Variants in VSTM4 observed in about 807,000 individuals in gnomAD.
VSTM4 encodes V-set and transmembrane domain containing 4, also known as V-set and transmembrane domain-containing protein 4.
A neutral mutation model predicts 36.4 loss-of-function variants in VSTM4; 20 were observed. That is an observed-to-expected ratio of 0.55 (90% CI 0.39 to 0.80). The LOEUF is 0.80. Ranked by LOEUF, VSTM4 falls within the 30% of genes least tolerant of loss-of-function variation. The pLI, the probability that VSTM4 is intolerant of heterozygous loss-of-function variation, is 0.00. For synonymous variants in VSTM4, 182 were observed against 173.9 expected, an observed-to-expected ratio of 1.05 and a Z score of -0.37; for missense variants, 392 against 404.5, an observed-to-expected ratio of 0.97 and a Z score of 0.26.
At chr10:49,023,451 G>C (rs1160384504) in intron 7 of VSTM4, among the ~76,000 whole-genome samples, 1 of 152,228 alleles carries the variant, frequency 6.6e-6, no homozygotes, top group Non-Finnish European at 1.5e-5. Context: ...AGGTGCATTT[G>C]AGGAGAAGCT....
rs775685261 is a variant in VSTM4 at position 49,082,689 on chromosome 10, A to AT, written c.526+3265_526+3266insA. Among the ~76,000 whole-genome samples, 17 of 152,182 alleles carry AT rather than the reference A, an allele frequency of 1.1e-4. No individual in the cohort carries two copies. In the South Asian group the frequency reaches 3.3e-3, roughly 30 times the overall value. On this transcript the variant is annotated intron_variant, in intron 3 of 7. Coordinates refer to ENST00000332853, the MANE Select transcript of VSTM4 (RefSeq NM_001031746.5). ...AAACTCCATCAAAAACAAAAGGAAA[A>AT]GAAAAAAAAACACATATAGCTGCAC... is the stretch of plus-strand genomic sequence containing the variant.
At chr10:49,077,116 A>G (rs1351399246) in intron 4 of VSTM4, 103 bp downstream of exon 4, 3 of 1,166,508 alleles carry the variant, frequency 2.6e-6, no homozygotes, top group Non-Finnish European at 3.7e-6. Flanking sequence ...TCCCTGACTC[A>G]CAATGCACTT....
At chr10:49,108,917 C>T (rs945352560) in intron 1 of VSTM4, among the ~76,000 whole-genome samples, 3 of 152,116 alleles carry the variant, frequency 2.0e-5, no homozygotes, top group African/African-American at 2.4e-5. Context: ...CCAGGAGCCA[C>T]GATTCATGGT....
At chr10:49,088,879 G>A (rs1462312855) in intron 2 of VSTM4, among the ~76,000 whole-genome samples, 4 of 152,210 alleles carry the variant, frequency 2.6e-5, no homozygotes, top group Non-Finnish European at 2.9e-5. Context: ...TACCCATCAT[G>A]GTGTGGACCC....
At chr10:49,088,657 C>T (rs939083862) in intron 2 of VSTM4, among the ~76,000 whole-genome samples, 4 of 152,246 alleles carry the variant, frequency 2.6e-5, no homozygotes, top group African/African-American at 9.6e-5. Context: ...CTGGGCCCCA[C>T]AAGGCCTGGC....
intron 1 of VSTM4, among the ~76,000 whole-genome samples, chr10:49,114,205 G>A (rs1326191807): frequency 6.6e-6 from 1 of 152,120 alleles, no homozygotes; most frequent in African/African-American, 2.4e-5. Flanking sequence ...AGGTTCACTG[G>A]GAACCTGGCT....
intron 4 of VSTM4, among the ~76,000 whole-genome samples, chr10:49,069,535 A>G (rs1844035696): frequency 6.6e-6 from 1 of 152,144 alleles, no homozygotes; most frequent in Non-Finnish European, 1.5e-5. Flanking sequence ...TCAGGGCTCA[A>G]CCCACAGCCC....
chr10:49,047,123 A>G (rs1308168866), intron 6 of VSTM4, 79 bp from the exon 7 acceptor site: 1 of 1,412,160 alleles, frequency 7.1e-7, no homozygotes, highest in East Asian at 2.3e-5. Flanking sequence ...CATCAGGGAC[A>G]TATTCTGAGA....
intron 1 of VSTM4, among the ~76,000 whole-genome samples, chr10:49,114,928 A>G (rs1024479083): frequency 2.0e-5 from 3 of 152,082 alleles, no homozygotes; most frequent in Non-Finnish European, 4.4e-5. Context: ...AGGCCTGGTC[A>G]CCTCAAAAGG....
chr10:49,018,888 C>T lies in VSTM4; in HGVS notation c.*762G>A, dbSNP rs542420826. ...CTCCAGTGTGTCTTCTGATGGCCAA[C>T]ACCTGTGCTCCTTTGGAAAAGGGTG... On this transcript the variant is annotated 3_prime_UTR_variant, in exon 8 of 8. Transcript: ENST00000332853. 2.6e-5 allele frequency: 4 copies of T among 152,284 alleles called. No homozygotes were observed. The highest frequency in any genetic ancestry group is 4.8e-5 in the African/African-American group (2 of 41,472). The allele number at this position is 152,284 out of a possible 1,614,324, so 9.4% of individuals were successfully genotyped here. A position where few individuals can be genotyped will look rare whatever the true frequency, so the allele number is the denominator to read the frequency against.
chr10:49,021,444 T>TA (rs942597758), intron 7 of VSTM4, among the ~76,000 whole-genome samples: 75 of 152,144 alleles, frequency 4.9e-4, no homozygotes, highest in African/African-American at 1.8e-3. Context: ...AAATAAAATT[T>TA]AAAAAAACTG....
intron 4 of VSTM4, among the ~76,000 whole-genome samples, chr10:49,065,652 A>G (rs1843960243): frequency 6.6e-6 from 1 of 152,188 alleles, no homozygotes; most frequent in Non-Finnish European, 1.5e-5. Flanking sequence ...GCCCCGAACA[A>G]CCAGGTCCCA....
At chr10:49,054,015 C>T (rs887767040) in intron 5 of VSTM4, among the ~76,000 whole-genome samples, 1 of 152,224 alleles carries the variant, frequency 6.6e-6, no homozygotes, top group African/African-American at 2.4e-5. Flanking sequence ...TGTGTCCATC[C>T]TATGCAAGGC....
chr10:49,084,641 C>T (rs1844338027), intron 3 of VSTM4, among the ~76,000 whole-genome samples: 1 of 152,198 alleles, frequency 6.6e-6, no homozygotes, highest in Non-Finnish European at 1.5e-5. Flanking sequence ...AGACTTTTGG[C>T]TAGATCATTC....
chr10:49,092,929 T>A (rs1394342739), intron 2 of VSTM4, among the ~76,000 whole-genome samples: 1 of 152,074 alleles, frequency 6.6e-6, no homozygotes, highest in Non-Finnish European at 1.5e-5. Flanking sequence ...CAGGCAGAGT[T>A]TGGCCGAGGC....
rs1202166031 is a variant in VSTM4 at position 49,107,680 on chromosome 10, T to A, written c.371A>T (p.His124Leu). 6.2e-7 allele frequency: 1 copy of A among 1,614,222 alleles called. No homozygotes were observed. Among genetic ancestry groups the A allele is most frequent in the Admixed American group, 1.7e-5 (1 of 60,036 alleles). The change falls in exon 2 of 8, where the codon CAT becomes CTT. Residue 124 changes from histidine (H) to leucine (L), a missense_variant. Coordinates refer to ENST00000332853, the MANE Select transcript of VSTM4 (RefSeq NM_001031746.5). Reference sequence around the variant, plus strand: ...GATTTCCTGGACTCTGCAGACGTAATGCCCTTGATCGGAGGGCTGCAGTGT... The same window carrying A: ...GATTTCCTGGACTCTGCAGACGTAAAGCCCTTGATCGGAGGGCTGCAGTGT... ...VLTLQPSDQG[H>L]YVCRVQEISR...
chr10:49,050,425 T>C (rs1211265794), intron 5 of VSTM4, among the ~76,000 whole-genome samples: 2 of 152,200 alleles, frequency 1.3e-5, no homozygotes, highest in Non-Finnish European at 2.9e-5. Context: ...AGATAGGCTA[T>C]TCTAATAATA....
chr10:49,083,005 C>T (rs1844308001), intron 3 of VSTM4, among the ~76,000 whole-genome samples: 1 of 152,212 alleles, frequency 6.6e-6, no homozygotes. Flanking sequence ...ACCTGTTGCC[C>T]AGCAACCCTG....
intron 5 of VSTM4, among the ~76,000 whole-genome samples, chr10:49,055,548 C>T (rs930952196): frequency 2.0e-5 from 3 of 152,224 alleles, no homozygotes; most frequent in Admixed American, 6.5e-5. Flanking sequence ...GTAGATACCC[C>T]TTCTCCCCAA....
Sources: gnomAD v4.1 joint callset for allele counts (sites outside exome capture counted in the v4.1 genomes callset) on GRCh38, gnomAD v4.1.1 for gene constraint, MANE v1.5 for transcripts, NCBI Gene and HGNC (gene_info 2026-07-23, HGNC 2026-07-21) for gene names.